The following ATP1A4 variants were observed in gnomAD, a reference collection of about 807,000 sequenced individuals.
The protein encoded by ATP1A4 is ATPase Na+/K+ transporting subunit alpha 4, also known as sodium/potassium-transporting ATPase subunit alpha-4.
ATP1A4 carries 90 observed loss-of-function variants against 114.3 expected under a neutral mutation model. The ratio of observed to expected loss-of-function variants is 0.79; its 90% CI spans 0.66 to 0.94. ATP1A4 has a LOEUF of 0.94. Among genes scored for constraint, ATP1A4 ranks in the 40% least tolerant of loss-of-function variants. The probability of loss-of-function intolerance (pLI) is 0.00; values close to 1 mark genes in which losing one functional copy is unlikely to be tolerated. For missense variants in ATP1A4, 1,222 were observed against 1,313.6 expected (o/e 0.93, Z 1.08); for synonymous variants, 511 against 494.1 (o/e 1.03, Z -0.45).
rs1479348858 is a variant in ATP1A4, at chr1:160,171,697, T to G, written c.1794T>G (p.Ile598Met). 2 of 1,614,200 alleles carry G rather than the reference T, an allele frequency of 1.2e-6. No homozygotes were observed. The highest frequency in any genetic ancestry group is 1.7e-5 in the Admixed American group (1 of 60,024). ...NLCFVGLISM[I>M]DPPRAAVPDA... The stretch of plus-strand genomic sequence containing the variant: ...GTTTTGTGGGCCTCATATCCATGAT[T>G]GACCCTCCCCGAGCTGCAGTGCCTG... Residue 598 changes from isoleucine (I) to methionine (M), a missense_variant, in exon 12 of 22, where the codon ATT becomes ATG. By Grantham distance (10) the Ile-to-Met change is conservative (BLOSUM62 1). Coordinates refer to ENST00000368081, the MANE Select transcript of ATP1A4 (RefSeq NM_144699.4).
chr1:160,186,855 G>A lies in ATP1A4; in HGVS notation c.*156G>A. On this transcript the variant is annotated 3_prime_UTR_variant, in exon 22 of 22. Transcript: ENST00000368081. ...CTGGGCTGGCTTGAGGGAATCATGG[G>A]CAGAGGATGAGGTGGGCTGAAGGGA... 2.3e-6 allele frequency: 2 copies of A among 876,806 alleles called. No individual in the cohort carries two copies. Among genetic ancestry groups the A allele is most frequent in the Non-Finnish European group, 3.6e-6 (2 of 552,920 alleles). The allele number at this position is 876,806 out of a possible 1,614,324, so 54.3% of individuals were successfully genotyped here.
chr1:160,160,227 GT>G (rs926418147), intron 6 of ATP1A4, among the ~76,000 whole-genome samples: 1 of 152,036 alleles, frequency 6.6e-6, no homozygotes, highest in Non-Finnish European at 1.5e-5. Context: ...TTTGTTTTGT[GT>G]TTTTTTGAAA....
At chr1:160,163,588 T>C (rs974986031) in intron 6 of ATP1A4, among the ~76,000 whole-genome samples, 3 of 152,192 alleles carry the variant, frequency 2.0e-5, no homozygotes, top group Non-Finnish European at 4.4e-5. Context: ...GGAAGGAGCA[T>C]GGAGGAGCGT....
At chr1:160,164,002 G>A (rs573632087) in intron 6 of ATP1A4, among the ~76,000 whole-genome samples, 154 bp from the exon 7 acceptor site, 6 of 152,172 alleles carry the variant, frequency 3.9e-5, no homozygotes, top group African/African-American at 1.4e-4. Flanking sequence ...CCAGAACTGG[G>A]TCAAAGACCA....
At chr1:160,157,685 A>C (rs1652717062) in intron 4 of ATP1A4, among the ~76,000 whole-genome samples, 1 of 152,216 alleles carries the variant, frequency 6.6e-6, no homozygotes, top group Non-Finnish European at 1.5e-5. Context: ...GATGTAGGTA[A>C]CTTACCCTCA....
At chr1:160,165,560 C>T (rs12737042) in intron 7 of ATP1A4, among the ~76,000 whole-genome samples, 18,171 of 151,714 alleles carry the variant, frequency 0.12, 1,163 homozygotes, top group Middle Eastern at 0.19. Context: ...GAGATCGAGA[C>T]CGTTCTGGCT....
chr1:160,164,492 G>A lies in ATP1A4; in HGVS notation c.1047+68G>A, dbSNP rs542724778. On this transcript the variant is annotated intron_variant, in intron 7 of 21. Coordinates refer to ENST00000368081, the MANE Select transcript of ATP1A4 (RefSeq NM_144699.4). Reference sequence around the variant, plus strand: ...ACCCCAGGGAAAAGGGATCACTAGCGTCTCTTTTGTTGTTGAACCTTTCAA... The same window carrying A: ...ACCCCAGGGAAAAGGGATCACTAGCATCTCTTTTGTTGTTGAACCTTTCAA... The A allele has an allele frequency of 7.0e-5, 108 of 1,538,642 alleles. No homozygotes were observed. The African/African-American group carries it at 9.4e-4, about 13-fold the overall frequency.
chr1:160,152,357 GAGAC>G (rs1254982594), intron 1 of ATP1A4, among the ~76,000 whole-genome samples, 170 bp downstream of exon 1: 2 of 151,804 alleles, frequency 1.3e-5, no homozygotes, highest in African/African-American at 4.8e-5. Flanking sequence ...TACACACAGA[GAGAC>G]AGGGCAGCTC....
Position 160,177,669 on chromosome 1 carries a change from G to T in ATP1A4, c.2736+5G>T. ...GACAGCTACGGACAGCAGTGGGTGA[G>T]TAGAAGGGATAAGGTAGGAGCTGAG... On this transcript the variant is annotated splice_donor_5th_base_variant and intron_variant, in intron 18 of 21. Coordinates refer to ENST00000368081, the MANE Select transcript of ATP1A4 (RefSeq NM_144699.4). 6.2e-7 allele frequency: 1 copy of T among 1,614,204 alleles called. No homozygotes were observed. The highest frequency in any genetic ancestry group is 8.5e-7 in the Non-Finnish European group (1 of 1,180,022).
intron 10 of ATP1A4, among the ~76,000 whole-genome samples, chr1:160,169,254 T>C (rs1653152055): frequency 6.6e-6 from 1 of 152,350 alleles, no homozygotes; most frequent in Admixed American, 6.5e-5. Context: ...GAGCCTGGTC[T>C]GTCTCCCTCT....
intron 13 of ATP1A4, 73 bp downstream of exon 13, chr1:160,173,790 T>C: frequency 6.5e-7 from 1 of 1,549,736 alleles, no homozygotes; most frequent in South Asian, 1.2e-5. Context: ...GATGCCACTT[T>C]ACTAAAGTTC....
Position 160,152,033 on chromosome 1 carries a change from G to A in ATP1A4, c.-8G>A. 1 of 1,608,686 alleles carries A rather than the reference G, an allele frequency of 6.2e-7. No homozygotes were observed. Among genetic ancestry groups the A allele is most frequent in the Non-Finnish European group, 8.5e-7 (1 of 1,177,822 alleles). ...GTTGAGCTCGGGCAGCTCTTTCTGG[G>A]GATAGCTATGGGGCTTTGGGGGAAG... On this transcript the variant is annotated 5_prime_UTR_variant, in exon 1 of 22. Coordinates refer to ENST00000368081, the MANE Select transcript of ATP1A4 (RefSeq NM_144699.4).
At chr1:160,179,323 T>C (rs1005192741) in intron 18 of ATP1A4, among the ~76,000 whole-genome samples, 4 of 152,210 alleles carry the variant, frequency 2.6e-5, no homozygotes, top group Non-Finnish European at 5.9e-5. Context: ...GCTCAAGCCC[T>C]TGTTTTCCAT....
In ATP1A4 at chr1:160,164,296, G is replaced by A. The variant is rs1177392027; in HGVS notation, c.919G>A (p.Ala307Thr). 7 of 1,614,074 alleles carry A rather than the reference G, an allele frequency of 4.3e-6. No individual in the cohort carries two copies. The highest frequency in any genetic ancestry group is 8.5e-7 in the Non-Finnish European group (1 of 1,180,042). ...EHFIHLITVV[A>T]VFLGVTFFAL... ...CTTCATCCATCTGATCACTGTGGTG[G>A]CCGTCTTCCTTGGTGTCACTTTTTT... Residue 307 changes from alanine to threonine, a missense_variant, in exon 7 of 22, where the codon GCC (alanine) becomes ACC (threonine). Physicochemically the swap from Ala to Thr is moderately conservative, Grantham distance 58 (BLOSUM62 0). Coordinates refer to ENST00000368081, the MANE Select transcript of ATP1A4 (RefSeq NM_144699.4).
chr1:160,169,366 C>T (rs1430145000), intron 10 of ATP1A4, among the ~76,000 whole-genome samples: 2 of 152,182 alleles, frequency 1.3e-5, no homozygotes, highest in African/African-American at 4.8e-5. Context: ...GATTTTCTTC[C>T]GTGACCTCTG....
At chr1:160,166,376 C>G (rs1463724164) in intron 7 of ATP1A4, 152 bp from the exon 8 acceptor site, 3 of 1,039,256 alleles carry the variant, frequency 2.9e-6, no homozygotes, top group Non-Finnish European at 2.7e-6. Context: ...TTACCACAGC[C>G]AGAAATGAAA....
chr1:160,156,190 C>A, intron 4 of ATP1A4, 32 bp downstream of exon 4: 1 of 1,433,692 alleles, frequency 7.0e-7, no homozygotes, highest in Non-Finnish European at 9.8e-7. Context: ...CTAGTGGGAG[C>A]AGGAGCAGGA....
Position 160,171,384 on chromosome 1 carries a change from A to G in ATP1A4, c.1625A>G (p.Lys542Arg), listed in dbSNP as rs1653249412. Residue 542 changes from lysine to arginine, a missense_variant, in exon 11 of 22, where the codon AAG becomes AGG. Lys to Arg is a conservative substitution (Grantham distance 26, BLOSUM62 2). Transcript: ENST00000368081. The part of the protein sequence containing the change: ...GQEYSMNDEM[K>R]EAFQNAYLEL... ...GAGTACTCAATGAACGATGAAATGA[A>G]GGAAGCCTTCCAAAATGCCTACTTA... The G allele has an allele frequency of 6.2e-7, 1 of 1,614,084 alleles. No homozygotes were observed.
At chr1:160,172,037 T>C (rs1653283200) in intron 12 of ATP1A4, among the ~76,000 whole-genome samples, 1 of 152,114 alleles carries the variant, frequency 6.6e-6, no homozygotes, top group Admixed American at 6.5e-5. Flanking sequence ...CTGGCAACAG[T>C]ATTTTTAAAA....
Sources: gnomAD v4.1 joint callset for allele counts (sites outside exome capture counted in the v4.1 genomes callset) on GRCh38, gnomAD v4.1.1 for gene constraint, MANE v1.5 for transcripts, NCBI Gene and HGNC (gene_info 2026-07-23, HGNC 2026-07-21) for gene names.